Variants in TENM3 observed in about 807,000 individuals in gnomAD.
TENM3 encodes the protein teneurin transmembrane protein 3, also known as teneurin-3.
In TENM3, 63 loss-of-function variants were observed where a neutral mutation model predicts 255.1. The observed-to-expected ratio is 0.25, with a 90% CI of 0.20 to 0.30. The LOEUF is 0.30. Among genes scored for constraint, TENM3 ranks in the 10% least tolerant of loss-of-function variants. TENM3 has a pLI of 1.00. For synonymous variants in TENM3, 1,306 were observed against 1,322.3 expected (o/e 0.99, Z 0.27); for missense variants, 2,929 against 3,461.1 (o/e 0.85, Z 3.86).
chr4:182,296,421 T>C lies in TENM3; in HGVS notation c.-75-27525T>C, dbSNP rs546603550. On this transcript the variant is annotated intron_variant, in intron 1 of 27. Coordinates refer to ENST00000511685, the MANE Select transcript of TENM3 (RefSeq NM_001080477.4). ...TCTTTTCAATTGTACTTGAAGGCTA[T>C]GGGTTACTTTTGTGGATCTGCAAGC... 7.2e-5 allele frequency among the ~76,000 whole-genome samples: 11 copies of C among 152,316 alleles called. No homozygotes were observed. The East Asian group carries it at 2.1e-3, about 29-fold the overall frequency.
chr4:181,852,474 T>G, the TENM3 span, among the ~76,000 whole-genome samples: 16 of 152,330 alleles, frequency 1.1e-4, no homozygotes, highest in Admixed American at 8.5e-4. Context: ...TGGGGTTCAC[T>G]TTTCCTATTT....
the TENM3 span, among the ~76,000 whole-genome samples, chr4:181,773,328 T>C: frequency 1.3e-5 from 2 of 152,200 alleles, no homozygotes; most frequent in African/African-American, 2.4e-5. Flanking sequence ...ACGAAAGTTG[T>C]TGCTTTGTGG....
chr4:181,810,097 G>A, the TENM3 span, among the ~76,000 whole-genome samples: 11 of 151,642 alleles, frequency 7.3e-5, no homozygotes. Context: ...CTTCTCTCAG[G>A]GAAAAAAAAA....
At chr4:182,140,725 C>A (rs1037116786), upstream of TENM3, among the ~76,000 whole-genome samples, 1 of 152,138 alleles carries the variant, frequency 6.6e-6, no homozygotes, top group Non-Finnish European at 1.5e-5. Context: ...AGCTGCTACC[C>A]GGCCCCTTCA....
chr4:181,765,684 T>A, the TENM3 span, among the ~76,000 whole-genome samples: 1 of 152,106 alleles, frequency 6.6e-6, no homozygotes, highest in Admixed American at 6.5e-5. Flanking sequence ...GAAAAATACA[T>A]AAATAATGAG....
chr4:182,779,984 A>C (rs1013283818), intron 24 of TENM3, among the ~76,000 whole-genome samples: 10 of 149,344 alleles, frequency 6.7e-5, no homozygotes, highest in African/African-American at 2.2e-4. Context: ...GGTTGCGAAA[A>C]TTTTCTCCCA....
At chr4:182,391,786 G>A (rs1768443192) in intron 3 of TENM3, among the ~76,000 whole-genome samples, 1 of 152,072 alleles carries the variant, frequency 6.6e-6, no homozygotes, top group Non-Finnish European at 1.5e-5. Context: ...ACTTAAAAAT[G>A]TTTATTGACT....
At chr4:182,661,727 G>A (rs1296381106) in intron 6 of TENM3, among the ~76,000 whole-genome samples, 1 of 152,140 alleles carries the variant, frequency 6.6e-6, no homozygotes, top group Non-Finnish European at 1.5e-5. Flanking sequence ...ATTGGAGGGT[G>A]GGCTACTGAT....
intron 3 of TENM3, among the ~76,000 whole-genome samples, chr4:182,460,289 A>G (rs1774234900): frequency 6.6e-6 from 1 of 152,188 alleles, no homozygotes; most frequent in South Asian, 2.1e-4. Flanking sequence ...ATATAATTCT[A>G]TGTATATTAG....
At chr4:181,573,582 G>A in the TENM3 span, among the ~76,000 whole-genome samples, 460 of 152,172 alleles carry the variant, frequency 3.0e-3, 2 homozygotes, top group East Asian at 6.8e-3. Flanking sequence ...TATAGAAAAC[G>A]AATATTTAAG....
the TENM3 span, among the ~76,000 whole-genome samples, chr4:181,916,507 T>C: frequency 6.6e-6 from 1 of 152,144 alleles, no homozygotes; most frequent in Non-Finnish European, 1.5e-5. Context: ...ATAAGGAAGC[T>C]GTTGAGACAT....
chr4:182,581,387 G>C (rs893642681), intron 3 of TENM3, among the ~76,000 whole-genome samples: 1 of 152,158 alleles, frequency 6.6e-6, no homozygotes, highest in African/African-American at 2.4e-5. Context: ...CTGAGCCTAT[G>C]GGACTGTACT....
At chr4:181,618,764 C>T in the TENM3 span, among the ~76,000 whole-genome samples, 14,882 of 152,162 alleles carry the variant, frequency 0.098, 890 homozygotes, top group East Asian at 0.17. Context: ...TCTTACAACA[C>T]GAAATTGATT....
In TENM3 at chr4:182,409,400, C is replaced by G. The variant is rs139555767; in HGVS notation, c.511+62471C>G. ...TTACAAGGAGCATATTTCCTTTCAT[C>G]CCAGCAGCCAAAACAGAGGCCTCCT... On this transcript the variant is annotated intron_variant, in intron 3 of 27. Transcript: ENST00000511685. Among the ~76,000 whole-genome samples the G allele has an allele frequency of 3.9e-5, 6 of 152,324 alleles. No homozygotes were observed. The East Asian group carries it at 1.2e-3, about 29-fold the overall frequency.
At chr4:181,690,925 GC>G in the TENM3 span, among the ~76,000 whole-genome samples, 21 of 117,226 alleles carry the variant, frequency 1.8e-4, no homozygotes, top group South Asian at 6.2e-3. Flanking sequence ...ACTCTAACAA[GC>G]AAATACCTTT....
intron 3 of TENM3, among the ~76,000 whole-genome samples, chr4:182,552,867 T>C (rs1005612972): frequency 6.6e-6 from 1 of 152,200 alleles, no homozygotes; most frequent in African/African-American, 2.4e-5. Flanking sequence ...ATTTTTTGTT[T>C]TCCCAAGTTA....
At chr4:182,291,622 A>G (rs1761131385) in intron 1 of TENM3, among the ~76,000 whole-genome samples, 1 of 152,132 alleles carries the variant, frequency 6.6e-6, no homozygotes, top group African/African-American at 2.4e-5. Flanking sequence ...CAGAGACGTT[A>G]TGTGATGTGC....
At chr4:181,708,610 G>A in the TENM3 span, among the ~76,000 whole-genome samples, 2 of 150,612 alleles carry the variant, frequency 1.3e-5, no homozygotes, top group South Asian at 2.1e-4. Flanking sequence ...AACACTCTAT[G>A]AAAATCAAAT....
At chr4:181,639,959 G>A in the TENM3 span, among the ~76,000 whole-genome samples, 10 of 152,132 alleles carry the variant, frequency 6.6e-5, no homozygotes, top group South Asian at 4.1e-4. Flanking sequence ...ATGCCGTGTC[G>A]CTTTGCCATT....
Sources: allele counts gnomAD v4.1 joint callset (sites outside exome capture counted in the v4.1 genomes callset), GRCh38; gene constraint gnomAD v4.1.1; transcripts MANE v1.5; gene names NCBI Gene and HGNC (gene_info 2026-07-23, HGNC 2026-07-21).